Variants in BIN3 observed in about 807,000 individuals in gnomAD.
BIN3 encodes bridging integrator 3.
BIN3 carries 41 observed loss-of-function variants against 38.2 expected under a neutral mutation model. The observed-to-expected ratio is 1.07, with a 90% CI of 0.84 to 1.39. The LOEUF is 1.39. BIN3 is among the 40% of genes most tolerant of loss of function. BIN3 has a pLI of 0.00. For missense variants in BIN3, 361 were observed against 324.3 expected, an observed-to-expected ratio of 1.11 and a Z score of -0.87; for synonymous variants, 145 against 122.6, an observed-to-expected ratio of 1.18 and a Z score of -1.21.
intron 2 of BIN3, among the ~76,000 whole-genome samples, chr8:22,640,232 C>T (rs117825384): frequency 0.042 from 6,407 of 151,896 alleles, 198 homozygotes; most frequent in Non-Finnish European, 0.064. Flanking sequence ...GACTGGAGCG[C>T]GGTGGCACAA....
intron 6 of BIN3, among the ~76,000 whole-genome samples, chr8:22,629,025 G>A (rs1177418547): frequency 6.6e-6 from 1 of 152,206 alleles, no homozygotes; most frequent in East Asian, 1.9e-4. Context: ...GAGCCTCCAC[G>A]GTCCTGGCTT....
chr8:22,637,924 C>T (rs1267866445), intron 2 of BIN3, among the ~76,000 whole-genome samples: 4 of 152,152 alleles, frequency 2.6e-5, no homozygotes, highest in Admixed American at 6.5e-5. Context: ...GGCAGGTCAC[C>T]GGGAACCAGG....
At chr8:22,632,546 G>C (rs377420750) in intron 4 of BIN3, among the ~76,000 whole-genome samples, 127 of 152,282 alleles carry the variant, frequency 8.3e-4, no homozygotes, top group African/African-American at 2.9e-3. Flanking sequence ...AACTTGATTT[G>C]ATTATGAAAT....
At chr8:22,637,445 G>C (rs1431666580) in intron 2 of BIN3, among the ~76,000 whole-genome samples, 4 of 152,194 alleles carry the variant, frequency 2.6e-5, no homozygotes, top group Non-Finnish European at 1.5e-5. Context: ...TGCCCCTGCT[G>C]GGCTCAGGGT....
intron 1 of BIN3, among the ~76,000 whole-genome samples, chr8:22,661,120 A>C (rs534288281): frequency 6.6e-6 from 1 of 152,162 alleles, no homozygotes. Flanking sequence ...CCTGGACTCA[A>C]GCGATCCTCC....
At chr8:22,667,032 C>T (rs1440824839) in intron 1 of BIN3, among the ~76,000 whole-genome samples, 1 of 152,192 alleles carries the variant, frequency 6.6e-6, no homozygotes. Context: ...TGTGCCCAGG[C>T]GCCGGTGCTG....
At chr8:22,625,384 T>C (rs905350910) in intron 6 of BIN3, 2 of 702,326 alleles carry the variant, frequency 2.8e-6, no homozygotes, top group African/African-American at 1.7e-5. Context: ...CATTCGGAGG[T>C]GACCCAGGAC....
At chr8:22,658,761 G>A (rs879281779) in intron 1 of BIN3, among the ~76,000 whole-genome samples, 1 of 152,202 alleles carries the variant, frequency 6.6e-6, no homozygotes, top group African/African-American at 2.4e-5. Flanking sequence ...ATCTCTAGCT[G>A]GGCAAGAGAC....
chr8:22,629,763 T>A (rs915727238), intron 6 of BIN3: 7 of 608,940 alleles, frequency 1.1e-5, no homozygotes, highest in African/African-American at 1.9e-5. Flanking sequence ...TGAGCTCGCC[T>A]GGGCCATGTG....
At chr8:22,657,495 G>T (rs1803093760) in intron 1 of BIN3, among the ~76,000 whole-genome samples, 1 of 152,238 alleles carries the variant, frequency 6.6e-6, no homozygotes, top group African/African-American at 2.4e-5. Flanking sequence ...CGAAGTTATT[G>T]GAGTACGATG....
chr8:22,624,624 G>C (rs1801951533), intron 6 of BIN3: 1 of 452,158 alleles, frequency 2.2e-6, no homozygotes, highest in East Asian at 4.0e-5. Flanking sequence ...CAATGTCATG[G>C]GGTGAGGGCA....
At chr8:22,634,010 G>A (rs887238975) in intron 4 of BIN3, among the ~76,000 whole-genome samples, 39 of 152,254 alleles carry the variant, frequency 2.6e-4, no homozygotes, top group African/African-American at 8.7e-4. Flanking sequence ...AGCCATGGAC[G>A]GTGCGTCACG....
chr8:22,624,479 T>G (rs1411636250), intron 6 of BIN3, 116 bp from the exon 7 acceptor site: 18 of 1,384,658 alleles, frequency 1.3e-5, no homozygotes, highest in Middle Eastern at 2.3e-4. Context: ...TGGAGGGGCG[T>G]CCTGGCCAGC....
In BIN3 at chr8:22,623,916, T is replaced by G. The variant is rs769951698; in HGVS notation, c.614A>C (p.Gln205Pro). The part of the protein sequence containing the change: ...QPSFESLIRA[Q>P]VVYYSEMHKI... ...GGGAAGAGCACCTGGCGGCCTCACC[T>G]GAGCTCGGATGAGGGACTCAAAGCT... Residue 205 changes from glutamine (Q) to proline (P), a missense_variant and splice_region_variant, in exon 8 of 9, where the codon CAG becomes CCG. Physicochemically the swap from Gln to Pro is moderately conservative, Grantham distance 76 (BLOSUM62 -1). Coordinates refer to ENST00000276416, the MANE Select transcript of BIN3 (RefSeq NM_018688.6). The G allele has an allele frequency of 4.2e-5, 68 of 1,611,180 alleles. No homozygotes were observed. The highest frequency in any genetic ancestry group is 1.7e-4 in the Middle Eastern group (1 of 5,992).
intron 1 of BIN3, among the ~76,000 whole-genome samples, chr8:22,657,642 C>G (rs866770110): frequency 1.3e-5 from 2 of 152,174 alleles, no homozygotes; most frequent in Non-Finnish European, 1.5e-5. Context: ...GGGCAGATGC[C>G]CTGATGTAAA....
chr8:22,622,893 G>A (rs541457354), intron 8 of BIN3, among the ~76,000 whole-genome samples: 1 of 152,354 alleles, frequency 6.6e-6, no homozygotes, highest in South Asian at 2.1e-4. Context: ...ACAGGACCAA[G>A]TACGTGGGTC....
At chr8:22,636,664 C>T in intron 3 of BIN3, 78 bp from the exon 4 acceptor site, 1 of 1,451,272 alleles carries the variant, frequency 6.9e-7, no homozygotes, top group South Asian at 1.2e-5. Context: ...TCTGGAGGGC[C>T]TGCCAAGGAG....
intron 8 of BIN3, among the ~76,000 whole-genome samples, chr8:22,622,929 A>G (rs2117492936): frequency 6.6e-6 from 1 of 152,330 alleles, no homozygotes; most frequent in East Asian, 1.9e-4. Context: ...CCCCGGCATG[A>G]ACCCTGCTCA....
chr8:22,644,571 G>T, intron 2 of BIN3, 184 bp downstream of exon 2: 1 of 596,146 alleles, frequency 1.7e-6, no homozygotes, highest in South Asian at 1.8e-5. Context: ...TAGGGGAAGT[G>T]TCCCAGGACA....
Sources: allele counts gnomAD v4.1 joint callset (sites outside exome capture counted in the v4.1 genomes callset), GRCh38; gene constraint gnomAD v4.1.1; transcripts MANE v1.5; gene names NCBI Gene and HGNC (gene_info 2026-07-23, HGNC 2026-07-21).